The following TULP4 variants were observed in gnomAD, a reference collection of about 807,000 sequenced individuals.
TULP4 encodes TUB like protein 4.
TULP4 carries 16 observed loss-of-function variants against 129.0 expected under a neutral mutation model. The observed-to-expected ratio is 0.12, with a 90% confidence interval of 0.08 to 0.19. The LOEUF is 0.19. Among genes scored for constraint, TULP4 ranks in the 10% least tolerant of loss-of-function variants. TULP4 has a pLI of 1.00. For synonymous variants in TULP4, 998 were observed against 854.0 expected, an observed-to-expected ratio of 1.17 and a Z score of -2.94; for missense variants, 1,842 against 2,059.1, an observed-to-expected ratio of 0.89 and a Z score of 2.04.
At chr6:158,475,142 A>G (rs1009597701) in intron 6 of TULP4, among the ~76,000 whole-genome samples, 2 of 152,252 alleles carry the variant, frequency 1.3e-5, no homozygotes, top group African/African-American at 4.8e-5. Flanking sequence ...CCAGGCCTTG[A>G]TTGCCACACT....
intron 1 of TULP4, among the ~76,000 whole-genome samples, chr6:158,297,518 T>G (rs539405994): frequency 2.0e-5 from 3 of 152,290 alleles, no homozygotes; most frequent in South Asian, 4.1e-4. Context: ...TATGAGAGTA[T>G]TATTAGGGAA....
At chr6:158,240,020 G>A (rs1335915254) in intron 1 of TULP4, among the ~76,000 whole-genome samples, 31 of 107,274 alleles carry the variant, frequency 2.9e-4, no homozygotes, top group East Asian at 1.8e-3. Flanking sequence ...CTCCCGGACG[G>A]GGCGGCTGGC....
At chr6:158,405,834 C>T (rs1357393323) in intron 1 of TULP4, among the ~76,000 whole-genome samples, 1 of 152,170 alleles carries the variant, frequency 6.6e-6, no homozygotes, top group Non-Finnish European at 1.5e-5. Flanking sequence ...AGCCTTGCCT[C>T]GGCGTCTCCC....
chr6:158,273,799 T>C (rs1266373434), intron 1 of TULP4, among the ~76,000 whole-genome samples: 1 of 152,234 alleles, frequency 6.6e-6, no homozygotes. Context: ...ATAGCTAATA[T>C]AGCTCCTAGT....
intron 1 of TULP4, chr6:158,237,262 G>T: frequency 9.6e-7 from 1 of 1,043,648 alleles, no homozygotes; most frequent in Non-Finnish European, 1.5e-6. Flanking sequence ...TGTGCTTCTT[G>T]CTGTATTACC....
At chr6:158,448,381 A>G (rs112099978) in intron 3 of TULP4, among the ~76,000 whole-genome samples, 1,590 of 152,324 alleles carry the variant, frequency 0.01, 28 homozygotes, top group African/African-American at 0.037. Context: ...GTGCAAAGTA[A>G]GTACTTAATA....
chr6:158,440,588 C>T (rs1778870127), intron 3 of TULP4, among the ~76,000 whole-genome samples: 1 of 152,096 alleles, frequency 6.6e-6, no homozygotes, highest in Admixed American at 6.6e-5. Context: ...ACAAGGGAGG[C>T]CCATCTTTAT....
intron 1 of TULP4, among the ~76,000 whole-genome samples, chr6:158,331,345 T>C (rs1779873623): frequency 6.6e-6 from 1 of 152,132 alleles, no homozygotes; most frequent in Non-Finnish European, 1.5e-5. Context: ...ATCTGTGAAC[T>C]CTTGGATTTC....
chr6:158,271,783 A>G (rs1271936158), intron 1 of TULP4, among the ~76,000 whole-genome samples: 1 of 152,164 alleles, frequency 6.6e-6, no homozygotes, highest in East Asian at 1.9e-4. Flanking sequence ...CTGTCCTCCT[A>G]AAGAAAAATA....
chr6:158,344,461 C>T (rs139366251), intron 1 of TULP4, among the ~76,000 whole-genome samples: 66 of 152,194 alleles, frequency 4.3e-4, no homozygotes, highest in African/African-American at 2.9e-4. Context: ...TTTTCAACAG[C>T]GTATATTCAC....
At chr6:158,352,000 G>A (rs147276337) in intron 1 of TULP4, among the ~76,000 whole-genome samples, 5,279 of 152,058 alleles carry the variant, frequency 0.035, 148 homozygotes, top group South Asian at 0.1. Context: ...GGGATTACAG[G>A]CGTGAGCTAC....
Position 158,314,201 on chromosome 6 carries a change from G to C in TULP4, c.185G>C (p.Ser62Thr). The change falls in exon 1 of 14, where the codon AGT (serine) becomes ACT (threonine). Residue 62 changes from serine to threonine, a missense_variant. Physicochemically the swap from Ser to Thr is moderately conservative, Grantham distance 58. Coordinates refer to ENST00000367097, the MANE Select transcript of TULP4 (RefSeq NM_020245.5). ...RGVVGVTFTS[S>T]HCRRDRSTPQ... Reference sequence around the variant, plus strand: ...GTGGTTGGGGTGACTTTCACCTCTAGTCACTGTCGCAGGGACAGGAGTACT... The same window carrying C: ...GTGGTTGGGGTGACTTTCACCTCTACTCACTGTCGCAGGGACAGGAGTACT... 6.2e-7 allele frequency: 1 copy of C among 1,614,160 alleles called. No individual in the cohort carries two copies.
At chr6:158,453,399 G>A (rs1265885206) in intron 5 of TULP4, among the ~76,000 whole-genome samples, 1 of 146,536 alleles carries the variant, frequency 6.8e-6, no homozygotes, top group Non-Finnish European at 1.5e-5. Flanking sequence ...CAGGAGAATG[G>A]CATGAACCCG....
At chr6:158,486,437 C>A (rs1780069846) in intron 8 of TULP4, among the ~76,000 whole-genome samples, 1 of 152,084 alleles carries the variant, frequency 6.6e-6, no homozygotes, top group African/African-American at 2.4e-5. Context: ...CATGTAGTCC[C>A]AGCTACTCAG....
chr6:158,370,033 CT>C (rs2114871804), intron 1 of TULP4, among the ~76,000 whole-genome samples: 1 of 151,830 alleles, frequency 6.6e-6, no homozygotes, highest in Non-Finnish European at 1.5e-5. Flanking sequence ...GAAACCCCAT[CT>C]CTATAAAAAA....
At chr6:158,329,464 T>TCAA (rs1491439579) in intron 1 of TULP4, among the ~76,000 whole-genome samples, 1 of 17,596 alleles carries the variant, frequency 5.7e-5, no homozygotes. Context: ...AACCTTAACA[T>TCAA]TAAAAAAAAA....
In TULP4 at chr6:158,493,436, A is replaced by T; in HGVS notation, c.1632-137A>T. The T allele has an allele frequency of 1.2e-6, 1 of 846,594 alleles. No homozygotes were observed. The highest frequency in any genetic ancestry group is 1.7e-6 in the Non-Finnish European group (1 of 600,710). The allele number at this position is 846,594 out of a possible 1,614,324, so 52.4% of individuals were successfully genotyped here. ...GCAAAAGCAAGGGGAGAGCTTTGTTAAATTCGGGCACTGGCTGCAGGGTGA... is the reference window on the plus strand; with the variant it reads ...GCAAAAGCAAGGGGAGAGCTTTGTTTAATTCGGGCACTGGCTGCAGGGTGA... On this transcript the variant is annotated intron_variant, in intron 9 of 13. Coordinates refer to ENST00000367097, the MANE Select transcript of TULP4 (RefSeq NM_020245.5). The surrounding 1 kb of genome is among the most constrained non-coding windows in gnomAD (Gnocchi z 4.4).
chr6:158,297,894 G>T (rs1314921276), intron 1 of TULP4, among the ~76,000 whole-genome samples: 1 of 152,168 alleles, frequency 6.6e-6, no homozygotes, highest in African/African-American at 2.4e-5. Context: ...ACTCTAGTAA[G>T]CCTGAGGGTA....
chr6:158,430,953 C>T (rs1185900629), intron 3 of TULP4, among the ~76,000 whole-genome samples: 2 of 151,826 alleles, frequency 1.3e-5, no homozygotes, highest in Non-Finnish European at 2.9e-5. Context: ...AATTGCTTTC[C>T]TCTAGTCACT....
Sources: gnomAD v4.1 joint callset for allele counts (sites outside exome capture counted in the v4.1 genomes callset) on GRCh38, gnomAD v4.1.1 for gene constraint, Gnocchi (gnomAD v3.1) non-coding constraint, MANE v1.5 for transcripts, NCBI Gene and HGNC (gene_info 2026-07-23, HGNC 2026-07-21) for gene names.